CELA2A: variants seen among roughly 807,000 people sequenced by gnomAD.
CELA2A encodes chymotrypsin-like elastase family member 2A.
Under a neutral mutation model 35.3 loss-of-function variants are expected in CELA2A, and 31 were observed. That is an observed-to-expected ratio of 0.88 (90% CI 0.66 to 1.19). The LOEUF is 1.19. CELA2A is among the 50% of genes most tolerant of loss of function. The pLI is 0.00. For synonymous variants in CELA2A, 150 were observed against 149.8 expected (o/e 1.00, Z -0.01); for missense variants, 330 against 352.9 (o/e 0.94, Z 0.52).
At chr1:15,456,876 C>G in intron 1 of CELA2A, 83 bp downstream of exon 1, 1 of 1,546,954 alleles carries the variant, frequency 6.5e-7, no homozygotes, top group Non-Finnish European at 8.9e-7. Context: ...CCCTCTCGCC[C>G]CCACCCAACC....
intron 7 of CELA2A, among the ~76,000 whole-genome samples, chr1:15,471,706 A>C (rs887400131): frequency 3.3e-5 from 5 of 152,162 alleles, no homozygotes; most frequent in Non-Finnish European, 5.9e-5. Flanking sequence ...CCATCCACAC[A>C]TTTGGAATAT....
chr1:15,461,189 G>A (rs542281011), intron 2 of CELA2A, among the ~76,000 whole-genome samples: 1 of 152,156 alleles, frequency 6.6e-6, no homozygotes, highest in South Asian at 2.1e-4. Flanking sequence ...GACAAATGGG[G>A]ATTATAAGAA....
chr1:15,466,153 C>A lies in CELA2A; in HGVS notation c.639+9C>A. On this transcript the variant is annotated intron_variant, in intron 6 of 7. Transcript: ENST00000359621. ...TGATCTCCAGCTGCAACGTGAGTAC[C>A]AAAATCAGGGGCTCCGCTCCATGAC... 2.5e-6 allele frequency: 4 copies of A among 1,613,178 alleles called. No homozygotes were observed. The highest frequency in any genetic ancestry group is 3.4e-6 in the Non-Finnish European group (4 of 1,179,366).
chr1:15,460,033 G>C (rs1708413092), intron 2 of CELA2A, among the ~76,000 whole-genome samples: 1 of 151,960 alleles, frequency 6.6e-6, no homozygotes, highest in African/African-American at 2.4e-5. Context: ...TCTTCTCCAG[G>C]AGACAGAGTC....
intron 7 of CELA2A, among the ~76,000 whole-genome samples, chr1:15,470,851 G>A (rs1369712324): frequency 6.6e-6 from 1 of 152,150 alleles, no homozygotes; most frequent in Non-Finnish European, 1.5e-5. Flanking sequence ...AAAGTGCTGG[G>A]ATTACAGGCA....
In CELA2A at chr1:15,466,144, C is replaced by G. The variant is rs72474554; in HGVS notation, c.639C>G (p.Asn213Lys). ...GTGATGGCGTGATCTCCAGCTGCAA[C>G]GTGAGTACCAAAATCAGGGGCTCCG... ...AGGDGVISSC[N>K]GDSGGPLNCQ... Residue 213 changes from asparagine (N) to lysine (K), a missense_variant and splice_region_variant, in exon 6 of 8, where the codon AAC becomes AAG. Physicochemically the swap from Asn to Lys is moderately conservative, Grantham distance 94. Coordinates refer to ENST00000359621, the MANE Select transcript of CELA2A (RefSeq NM_033440.3). 3 of 1,613,390 alleles carry G rather than the reference C, an allele frequency of 1.9e-6. No individual in the cohort carries two copies. The East Asian group carries it at 6.7e-5, about 36-fold the overall frequency.
At chr1:15,459,241 C>T (rs1248535531) in intron 2 of CELA2A, among the ~76,000 whole-genome samples, 5 of 151,632 alleles carry the variant, frequency 3.3e-5, no homozygotes, top group Admixed American at 1.3e-4. Flanking sequence ...TGGCTCACAG[C>T]GGCCTCGAAC....
chr1:15,467,556 C>T lies in CELA2A; in HGVS notation c.792+18C>T. ...TCAATTCGGTAAGAACCGGACCAGC[C>T]CTGAGCCCCAAGGCACTACCCTGCT... On this transcript the variant is annotated intron_variant, in intron 7 of 7. Transcript: ENST00000359621. The T allele has an allele frequency of 6.2e-7, 1 of 1,613,162 alleles. No homozygotes were observed. The highest frequency in any genetic ancestry group is 1.7e-4 in the Middle Eastern group (1 of 6,056).
At chr1:15,463,960 G>A (rs530319054) in intron 5 of CELA2A, among the ~76,000 whole-genome samples, 11 of 151,982 alleles carry the variant, frequency 7.2e-5, no homozygotes, top group African/African-American at 2.4e-4. Context: ...GCTGAGGCAC[G>A]AGAATCACTT....
At chr1:15,463,255 G>A in intron 4 of CELA2A, 131 bp from the exon 5 acceptor site, 1 of 1,409,836 alleles carries the variant, frequency 7.1e-7, no homozygotes, top group Non-Finnish European at 9.7e-7. Flanking sequence ...AACATGCCCT[G>A]GGGCCCTGCC....
chr1:15,462,274 G>A, intron 3 of CELA2A: 1 of 467,094 alleles, frequency 2.1e-6, no homozygotes. Context: ...TAAGCTCTAG[G>A]AGGTATTGGG....
At chr1:15,470,910 G>T (rs1201348080) in intron 7 of CELA2A, among the ~76,000 whole-genome samples, 1 of 152,068 alleles carries the variant, frequency 6.6e-6, no homozygotes, top group Non-Finnish European at 1.5e-5. Context: ...CTTGTGTGTG[G>T]TCTCAACTTT....
At chr1:15,468,255 TA>T (rs1437725498) in intron 7 of CELA2A, among the ~76,000 whole-genome samples, 13 of 152,272 alleles carry the variant, frequency 8.5e-5, no homozygotes, top group Non-Finnish European at 5.9e-5. Context: ...TATTGGAAAT[TA>T]GTCCACCTCA....
chr1:15,461,679 G>T (rs373809860), intron 3 of CELA2A, 21 bp downstream of exon 3: 416 of 1,613,858 alleles, frequency 2.6e-4, no homozygotes, highest in Non-Finnish European at 3.2e-4. Context: ...TTCCCTGGGC[G>T]CTTGGCCTGC....
At chr1:15,461,043 G>A (rs1708426729) in intron 2 of CELA2A, among the ~76,000 whole-genome samples, 1 of 152,262 alleles carries the variant, frequency 6.6e-6, no homozygotes, top group East Asian at 1.9e-4. Context: ...CGGTAGCAGG[G>A]AGAAGTGCCG....
In CELA2A at chr1:15,463,471, A is replaced by G. The variant is rs542638568; in HGVS notation, c.442A>G (p.Ile148Val). Reference protein sequence around the residue: ...QLACLPPAGTILPNNYPCYVT... With the variant: ...QLACLPPAGTVLPNNYPCYVT... The stretch of plus-strand genomic sequence containing the variant: ...GGCCTGCCTCCCTCCTGCCGGCACC[A>G]TTCTACCCAACAACTACCCCTGCTA... The change falls in exon 5 of 8, where the codon ATT becomes GTT. Residue 148 changes from isoleucine to valine, a missense_variant. Physicochemically the swap from Ile to Val is conservative, Grantham distance 29. Transcript: ENST00000359621. 176 of 1,614,010 alleles carry G rather than the reference A, an allele frequency of 1.1e-4. 1 individual carries two copies. The South Asian group carries it at 1.9e-3, about 17-fold the overall frequency.
Position 15,467,403 on chromosome 1 carries a change from A to C in CELA2A, c.657A>C (p.Pro219=), listed in dbSNP as rs61741275. Residue 219 remains proline (P), a synonymous_variant, in exon 7 of 8, where the codon CCA becomes CCC. Coordinates refer to ENST00000359621, the MANE Select transcript of CELA2A (RefSeq NM_033440.3). ...ISSCNGDSGG[P]LNCQASDGRW... ...TTCCTCAGGGAGACTCTGGCGGGCC[A>C]CTGAACTGTCAGGCGTCTGACGGCC... The C allele has an allele frequency of 6.2e-7, 1 of 1,613,646 alleles. No homozygotes were observed. The highest frequency in any genetic ancestry group is 1.1e-5 in the South Asian group (1 of 91,082).
rs34434229 is a variant in CELA2A at position 15,464,527 on chromosome 1, T to G, written c.493+1005T>G. Among the ~76,000 whole-genome samples the G allele has an allele frequency of 1.9e-3, 287 of 152,324 alleles. 3 individuals carry two copies. The highest frequency in any genetic ancestry group is 6.8e-3 in the South Asian group (33 of 4,834). On this transcript the variant is annotated intron_variant, in intron 5 of 7. Coordinates refer to ENST00000359621, the MANE Select transcript of CELA2A (RefSeq NM_033440.3). ...GAGATTATGAGTGTTAATCACATTA[T>G]GACATTTTTTCCTAATGACATAAAC...
intron 2 of CELA2A, among the ~76,000 whole-genome samples, chr1:15,458,035 T>C (rs562979913): frequency 3.3e-5 from 5 of 152,314 alleles, no homozygotes; most frequent in African/African-American, 7.2e-5. Context: ...TAAACAAATA[T>C]AGTGAAATCT....
Sources: gnomAD v4.1 joint callset for allele counts (sites outside exome capture counted in the v4.1 genomes callset) on GRCh38, gnomAD v4.1.1 for gene constraint, MANE v1.5 for transcripts, NCBI Gene and HGNC (gene_info 2026-07-23, HGNC 2026-07-21) for gene names.